SPAG16: variants seen among roughly 807,000 people sequenced by gnomAD.
The protein encoded by SPAG16 is sperm-associated antigen 16 protein.
SPAG16 carries 86 observed loss-of-function variants against 80.4 expected under a neutral mutation model. The ratio of observed to expected loss-of-function variants is 1.07; its 90% confidence interval spans 0.90 to 1.28. The LOEUF (loss-of-function observed/expected upper bound fraction) is 1.28, where lower values mean the gene tolerates loss of function less well. SPAG16 is among the 50% of genes most tolerant of loss of function. The probability of loss-of-function intolerance (pLI) is 0.00; values close to 1 mark genes in which losing one functional copy is unlikely to be tolerated. For synonymous variants in SPAG16, 294 were observed against 265.9 expected, an observed-to-expected ratio of 1.11 and a Z score of -1.03; for missense variants, 870 against 765.3, an observed-to-expected ratio of 1.14 and a Z score of -1.61.
intron 10 of SPAG16, among the ~76,000 whole-genome samples, chr2:213,550,216 A>G (rs1194325757): frequency 6.7e-6 from 1 of 148,626 alleles, no homozygotes; most frequent in Non-Finnish European, 1.5e-5. Context: ...AATATCACAG[A>G]CTTTTTTTTT....
chr2:213,814,012 G>A (rs878891489), intron 10 of SPAG16, among the ~76,000 whole-genome samples: 3 of 152,122 alleles, frequency 2.0e-5, no homozygotes, highest in Admixed American at 1.3e-4. Context: ...AGGAGGAGAC[G>A]GAGGTAGGGA....
At chr2:213,797,650 C>T (rs568207673) in intron 10 of SPAG16, among the ~76,000 whole-genome samples, 2 of 152,210 alleles carry the variant, frequency 1.3e-5, no homozygotes, top group East Asian at 1.9e-4. Context: ...TCCAAGGACA[C>T]GTTTCTCAGA....
intron 9 of SPAG16, 152 bp downstream of exon 9, chr2:213,375,271 C>G (rs751827379): frequency 4.5e-4 from 229 of 506,410 alleles, no homozygotes; most frequent in Non-Finnish European, 7.2e-4. Context: ...GTGGAGGTAT[C>G]CAAATGTTAC....
At chr2:214,006,536 G>A (rs1009499079) in intron 12 of SPAG16, among the ~76,000 whole-genome samples, 2 of 152,124 alleles carry the variant, frequency 1.3e-5, no homozygotes, top group Middle Eastern at 3.4e-3. Context: ...AAACCAAGAC[G>A]TAAGTTAAGA....
rs138530942 is a variant in SPAG16, at chr2:214,382,785, T to A, written c.1721-27355T>A. Among the ~76,000 whole-genome samples the A allele has an allele frequency of 1.7e-3, 259 of 152,318 alleles. 2 individuals carry two copies. The highest frequency in any genetic ancestry group is 5.7e-3 in the African/African-American group (237 of 41,574). Reference sequence around the variant, plus strand: ...GCAGCCAGACAATAGGCTTTTTCTTTTGAGAGTGATGGAAAGATATGCCAG... The same window carrying A: ...GCAGCCAGACAATAGGCTTTTTCTTATGAGAGTGATGGAAAGATATGCCAG... On this transcript the variant is annotated intron_variant, in intron 15 of 15. Coordinates refer to ENST00000331683, the MANE Select transcript of SPAG16 (RefSeq NM_024532.5).
intron 12 of SPAG16, among the ~76,000 whole-genome samples, chr2:213,977,291 G>A (rs567969499): frequency 6.6e-6 from 1 of 152,000 alleles, no homozygotes; most frequent in Non-Finnish European, 1.5e-5. Context: ...GCATCAGCTT[G>A]AGGTTCATAT....
At chr2:213,346,442 A>C (rs182859670) in intron 6 of SPAG16, among the ~76,000 whole-genome samples, 1 of 152,102 alleles carries the variant, frequency 6.6e-6, no homozygotes, top group African/African-American at 2.4e-5. Flanking sequence ...ATGAGGCAGG[A>C]CATCCCTGTC....
chr2:213,985,005 T>G (rs2106430570), intron 12 of SPAG16, among the ~76,000 whole-genome samples: 1 of 152,200 alleles, frequency 6.6e-6, no homozygotes, highest in East Asian at 1.9e-4. Flanking sequence ...TTATTGAACT[T>G]TGGTAAGTTT....
chr2:213,734,701 T>G (rs1363088146), intron 10 of SPAG16, among the ~76,000 whole-genome samples: 1 of 98,590 alleles, frequency 1.0e-5, no homozygotes, highest in African/African-American at 3.2e-5. Flanking sequence ...TTTCATTTTA[T>G]GTAGACTTGG....
intron 15 of SPAG16, among the ~76,000 whole-genome samples, chr2:214,200,512 A>G (rs1001948814): frequency 1.3e-5 from 2 of 152,058 alleles, no homozygotes. Context: ...GGACTTTTGC[A>G]TCTATGTTCA....
intron 10 of SPAG16, among the ~76,000 whole-genome samples, chr2:213,746,895 T>C (rs975696523): frequency 6.6e-6 from 1 of 152,238 alleles, no homozygotes; most frequent in Non-Finnish European, 1.5e-5. Flanking sequence ...GTTCCTGGTT[T>C]ATGTATTTAC....
At position 213,927,500 on chromosome 2, in the gene SPAG16, G is replaced by A. The variant is rs138264738; in HGVS notation, c.1215-2460G>A. 2.8e-3 allele frequency among the ~76,000 whole-genome samples: 419 copies of A among 152,068 alleles called. 3 individuals carry two copies. Among genetic ancestry groups the A allele is most frequent in the Non-Finnish European group, 4.1e-3 (281 of 68,004 alleles). ...AGTTATACAGTTTTCCATATTTCAG[G>A]CCATGTTTTTGAAAGGCAAAACCAT... On this transcript the variant is annotated intron_variant, in intron 11 of 15. Coordinates refer to ENST00000331683, the MANE Select transcript of SPAG16 (RefSeq NM_024532.5).
intron 6 of SPAG16, among the ~76,000 whole-genome samples, chr2:213,343,549 C>T (rs114431995): frequency 1.3e-3 from 195 of 151,640 alleles, no homozygotes; most frequent in Middle Eastern, 6.8e-3. Context: ...GAACCAGACA[C>T]AGAGAAAAGA....
intron 11 of SPAG16, among the ~76,000 whole-genome samples, chr2:213,928,924 C>T (rs893677963): frequency 2.0e-5 from 3 of 150,210 alleles, no homozygotes; most frequent in African/African-American, 7.3e-5. Context: ...CACACACACA[C>T]ACACACACAC....
chr2:213,650,605 G>C (rs971757234), intron 10 of SPAG16, among the ~76,000 whole-genome samples: 2 of 152,140 alleles, frequency 1.3e-5, no homozygotes, highest in Non-Finnish European at 2.9e-5. Flanking sequence ...ATATAACTAA[G>C]GAAGAAAAAA....
chr2:213,548,322 C>G (rs1247006233), intron 10 of SPAG16, among the ~76,000 whole-genome samples: 2 of 152,186 alleles, frequency 1.3e-5, no homozygotes, highest in African/African-American at 4.8e-5. Flanking sequence ...ACGCCGTTCT[C>G]CTGCCTCAGC....
At chr2:214,388,282 AAATT>A (rs1356763072) in intron 15 of SPAG16, among the ~76,000 whole-genome samples, 1 of 152,132 alleles carries the variant, frequency 6.6e-6, no homozygotes, top group Non-Finnish European at 1.5e-5. Flanking sequence ...TAAGAAAAAA[AAATT>A]ATTAATAGAA....
intron 12 of SPAG16, among the ~76,000 whole-genome samples, chr2:213,968,926 C>T (rs2044866525): frequency 6.6e-6 from 1 of 152,152 alleles, no homozygotes; most frequent in Non-Finnish European, 1.5e-5. Flanking sequence ...TGACATCTTA[C>T]TGGAGGAGGC....
chr2:213,619,275 G>T (rs2061695248), intron 10 of SPAG16, among the ~76,000 whole-genome samples: 1 of 152,018 alleles, frequency 6.6e-6, no homozygotes, highest in African/African-American at 2.4e-5. Context: ...TAGGGGAAAT[G>T]GTTCAGGACA....
Sources: gnomAD v4.1 joint callset for allele counts (sites outside exome capture counted in the v4.1 genomes callset) on GRCh38, gnomAD v4.1.1 for gene constraint, MANE v1.5 for transcripts, NCBI Gene and HGNC (gene_info 2026-07-23, HGNC 2026-07-21) for gene names.